The following C5orf52 variants were observed in gnomAD, a reference collection of about 807,000 sequenced individuals.
C5orf52 encodes uncharacterized protein C5orf52.
C5orf52 carries 15 observed loss-of-function variants against 16.8 expected under a neutral mutation model. The ratio of observed to expected loss-of-function variants is 0.89; its 90% CI spans 0.60 to 1.38. C5orf52 has a LOEUF of 1.38. Ranked by LOEUF, C5orf52 falls within the 40% of genes most tolerant of loss-of-function variation. The pLI is 0.00. For synonymous variants in C5orf52, 83 were observed against 87.2 expected (o/e 0.95, Z 0.27); for missense variants, 206 against 213.1 (o/e 0.97, Z 0.21).
chr5:157,675,345 A>T, intron 2 of C5orf52, 145 bp downstream of exon 2: 1 of 586,212 alleles, frequency 1.7e-6, no homozygotes, highest in Non-Finnish European at 3.0e-6. Context: ...CAGAGGAGGC[A>T]ATTGATACTC....
chr5:157,671,057 C>T (rs1361169284), upstream of C5orf52, among the ~76,000 whole-genome samples: 1 of 152,170 alleles, frequency 6.6e-6, no homozygotes, highest in Non-Finnish European at 1.5e-5. Context: ...ATGGCGGATT[C>T]ATTCAGGAAG....
At chr5:157,674,667 C>A (rs1231787502) in intron 1 of C5orf52, among the ~76,000 whole-genome samples, 4 of 152,072 alleles carry the variant, frequency 2.6e-5, no homozygotes, top group African/African-American at 9.7e-5. Flanking sequence ...ACTCAGGAGG[C>A]CGAGGCAGGA....
chr5:157,676,505 A>G (rs1392814600), intron 2 of C5orf52, among the ~76,000 whole-genome samples: 2 of 152,214 alleles, frequency 1.3e-5, no homozygotes, highest in East Asian at 3.8e-4. Flanking sequence ...TGAAGGTCAC[A>G]AACACCAAAA....
Position 157,679,829 on chromosome 5 carries a change from G to T in C5orf52, c.322-12G>T. On this transcript the variant is annotated splice_polypyrimidine_tract_variant and intron_variant, in intron 2 of 2. Coordinates refer to ENST00000409999, the MANE Select transcript of C5orf52 (RefSeq NM_001145132.2). Reference sequence around the variant, plus strand: ...GGATCTTGATCCTAACCTCACCTCTGTTTTTTGTAAGGTGAGCGCTTTAGA... The same window carrying T: ...GGATCTTGATCCTAACCTCACCTCTTTTTTTTGTAAGGTGAGCGCTTTAGA... 6.5e-7 allele frequency: 1 copy of T among 1,545,108 alleles called. No homozygotes were observed. Among genetic ancestry groups the T allele is most frequent in the Non-Finnish European group, 8.7e-7 (1 of 1,145,146 alleles).
chr5:157,679,067 G>C, intron 2 of C5orf52, among the ~76,000 whole-genome samples: 1 of 151,810 alleles, frequency 6.6e-6, no homozygotes, highest in East Asian at 2.0e-4. Context: ...CCAGGAGGCA[G>C]AGCTTGCAGT....
chr5:157,679,209 G>A (rs556156462), intron 2 of C5orf52, among the ~76,000 whole-genome samples: 1 of 152,262 alleles, frequency 6.6e-6, no homozygotes, highest in South Asian at 2.1e-4. Context: ...GTGAAGACCT[G>A]TGGCAGTTTT....
intron 1 of C5orf52, among the ~76,000 whole-genome samples, chr5:157,673,764 C>T (rs1396068509): frequency 6.6e-6 from 1 of 152,092 alleles, no homozygotes; most frequent in African/African-American, 2.4e-5. Flanking sequence ...CCTGCCCCAG[C>T]CTCCCGAGTA....
rs949518227 is a variant in C5orf52 at position 157,679,841 on chromosome 5, G to A, written c.322G>A (p.Val108Met). ...RITQRIYEME[V>M]SALEKTKKKI... ...TAACCTCACCTCTGTTTTTTGTAAGGTGAGCGCTTTAGAGAAGACCAAGAA... is the reference window on the plus strand; with the variant it reads ...TAACCTCACCTCTGTTTTTTGTAAGATGAGCGCTTTAGAGAAGACCAAGAA... Residue 108 changes from valine to methionine, a missense_variant and splice_region_variant, in exon 3 of 3, where the codon GTG becomes ATG. By Grantham distance (21) the Val-to-Met change is conservative (BLOSUM62 1). Coordinates refer to ENST00000409999, the MANE Select transcript of C5orf52 (RefSeq NM_001145132.2). The A allele has an allele frequency of 6.5e-7, 1 of 1,546,020 alleles. No individual in the cohort carries two copies. Among genetic ancestry groups the A allele is most frequent in the Non-Finnish European group, 8.7e-7 (1 of 1,145,674 alleles).
chr5:157,675,727 A>C (rs574888699), intron 2 of C5orf52, among the ~76,000 whole-genome samples: 1 of 152,204 alleles, frequency 6.6e-6, no homozygotes, highest in East Asian at 1.9e-4. Flanking sequence ...AACAAACAAA[A>C]AAACAGAAAA....
chr5:157,671,238 C>A, upstream of C5orf52: 1 of 235,610 alleles, frequency 4.2e-6, no homozygotes, highest in Non-Finnish European at 8.2e-6. Context: ...CGCTGAGCAG[C>A]CCCACCCTGG....
chr5:157,673,749 A>T (rs1351777086), intron 1 of C5orf52, among the ~76,000 whole-genome samples: 2 of 151,832 alleles, frequency 1.3e-5, no homozygotes, highest in Non-Finnish European at 1.5e-5. Context: ...GGTTCATGTG[A>T]TTCTCCTGCC....
chr5:157,671,319 G>C (rs145132390), upstream of C5orf52: 2,091 of 447,044 alleles, frequency 4.7e-3, 16 homozygotes, highest in South Asian at 9.7e-3. Context: ...GAAAAGGTCT[G>C]CTCAGCTCAC....
chr5:157,678,488 G>A (rs925640677), intron 2 of C5orf52, among the ~76,000 whole-genome samples: 1 of 152,024 alleles, frequency 6.6e-6, no homozygotes, highest in African/African-American at 2.4e-5. Flanking sequence ...ACAGAGTCTC[G>A]CTCTGTCACC....
chr5:157,671,796 C>T lies in C5orf52; in HGVS notation c.182C>T (p.Pro61Leu). The T allele has an allele frequency of 2.6e-6, 4 of 1,544,628 alleles. No homozygotes were observed. Among genetic ancestry groups the T allele is most frequent in the Non-Finnish European group, 3.5e-6 (4 of 1,143,546 alleles). ...GGQPQICFPR[P>L]RSAQQPVLFS... is the part of the protein sequence containing the mutation. ...CAGCCGCAGATCTGCTTTCCGCGGC[C>T]GAGGTCCGCGCAGCAGCCGGTGCTG... The change falls in exon 1 of 3, where the codon CCG (proline) becomes CTG (leucine). Residue 61 changes from proline (P) to leucine (L), a missense_variant. Physicochemically the swap from Pro to Leu is moderately conservative, Grantham distance 98. Transcript: ENST00000409999.
chr5:157,672,239 G>A (rs1561594262), intron 1 of C5orf52, among the ~76,000 whole-genome samples: 1 of 151,998 alleles, frequency 6.6e-6, no homozygotes, highest in African/African-American at 2.4e-5. Context: ...CCCCTTCTCA[G>A]CCTCTCTTTT....
chr5:157,677,469 A>T (rs554834123), intron 2 of C5orf52, among the ~76,000 whole-genome samples: 28 of 152,196 alleles, frequency 1.8e-4, no homozygotes, highest in African/African-American at 6.5e-4. Context: ...CAGCCTGACC[A>T]ACACGGAGAA....
At chr5:157,676,861 C>CTTTTTTTTTTTTTT (rs61514085) in intron 2 of C5orf52, among the ~76,000 whole-genome samples, 1 of 134,882 alleles carries the variant, frequency 7.4e-6, no homozygotes, top group African/African-American at 2.9e-5. Context: ...TTTTAATTTC[C>CTTTTTTTTTTTTTT]TTTTTTTTTC....
intron 1 of C5orf52, among the ~76,000 whole-genome samples, chr5:157,672,535 AT>A (rs904789954): frequency 2.0e-5 from 3 of 151,652 alleles, no homozygotes; most frequent in African/African-American, 4.8e-5. Context: ...TGTTTTAGGG[AT>A]TTTTTTTAAA....
intron 2 of C5orf52, 68 bp from the exon 3 acceptor site, chr5:157,679,773 G>A (rs535370952): frequency 1.4e-6 from 2 of 1,433,972 alleles, no homozygotes; most frequent in Non-Finnish European, 1.9e-6. Context: ...TGTCTGCCCT[G>A]CTGCGAAGTA....
Sources: gnomAD v4.1 joint callset for allele counts (sites outside exome capture counted in the v4.1 genomes callset) on GRCh38, gnomAD v4.1.1 for gene constraint, MANE v1.5 for transcripts, NCBI Gene and HGNC (gene_info 2026-07-23, HGNC 2026-07-21) for gene names.